Variants in NCL observed in about 807,000 individuals in gnomAD.
The protein encoded by NCL is nucleolin multifunctional protein.
Under a neutral mutation model 77.7 loss-of-function variants are expected in NCL, and 4 were observed. The observed-to-expected ratio is 0.05, with a 90% confidence interval of 0.03 to 0.12. NCL has a LOEUF of 0.12. Ranked by LOEUF, NCL falls within the 10% of genes least tolerant of loss-of-function variation. NCL has a pLI of 1.00. For synonymous variants in NCL, 344 were observed against 297.8 expected, an observed-to-expected ratio of 1.16 and a Z score of -1.60; for missense variants, 763 against 860.9, an observed-to-expected ratio of 0.89 and a Z score of 1.42.
intron 6 of NCL, 93 bp downstream of exon 6, chr2:231,460,059 G>GT: frequency 7.4e-7 from 1 of 1,348,332 alleles, no homozygotes; most frequent in Non-Finnish European, 1.0e-6. Flanking sequence ...CAGTATTCAT[G>GT]TTTAACAGTA....
chr2:231,454,660 A>T lies in NCL; in HGVS notation c.*531T>A, dbSNP rs957391584. ...TGGAAACACGCACTAAGCCATTTCC[A>T]TTGGGATGGGTGAAGCAAGTGGCAG... On this transcript the variant is annotated 3_prime_UTR_variant, in exon 14 of 14. Coordinates refer to ENST00000322723, the MANE Select transcript of NCL (RefSeq NM_005381.3). 1 of 154,752 alleles carries T rather than the reference A, an allele frequency of 6.5e-6. No homozygotes were observed. Among genetic ancestry groups the T allele is most frequent in the African/African-American group, 2.4e-5 (1 of 41,576 alleles). The allele number at this position is 154,752 out of a possible 1,614,324, so 9.6% of individuals were successfully genotyped here.
chr2:231,463,422 T>A, intron 1 of NCL, 106 bp from the exon 2 acceptor site: 1 of 788,576 alleles, frequency 1.3e-6, no homozygotes, highest in Non-Finnish European at 2.2e-6. Flanking sequence ...TCAGATCCAT[T>A]TCTCATAGTG....
At chr2:231,458,068 G>C (rs6754426) in intron 8 of NCL, among the ~76,000 whole-genome samples, 198 bp downstream of exon 8, 1 of 151,914 alleles carries the variant, frequency 6.6e-6, no homozygotes, top group Non-Finnish European at 1.5e-5. Flanking sequence ...TTGCTTCTTT[G>C]TAAGTATTAG....
Position 231,460,735 on chromosome 2 carries a change from C to G in NCL, c.745G>C (p.Asp249His). The G allele has an allele frequency of 6.2e-7, 1 of 1,612,896 alleles. No individual in the cohort carries two copies. The highest frequency in any genetic ancestry group is 8.5e-7 in the Non-Finnish European group (1 of 1,178,870). ...EEDDEDEDDD[D>H]DEDDEDDDDE... ...TCATCATCTTCATCATCTTCGTCGT[C>G]GTCGTCATCCTCGTCCTCATCATCC... The change falls in exon 4 of 14, where the codon GAC becomes CAC. Residue 249 changes from aspartate (D) to histidine (H), a missense_variant. Around this residue, in one of 2 missense-constraint regions of NCL, gnomAD observed 590 missense variants for 570.5 expected, o/e 1.03. Coordinates refer to ENST00000322723, the MANE Select transcript of NCL (RefSeq NM_005381.3).
chr2:231,463,065 C>T, intron 2 of NCL, 135 bp downstream of exon 2: 1 of 673,524 alleles, frequency 1.5e-6, no homozygotes, highest in Non-Finnish European at 2.6e-6. Context: ...CAATGAAGAG[C>T]TTGTGAAACA....
rs2046869611 is a variant in NCL at position 231,454,939 on chromosome 2, A to G, written c.*252T>C. On this transcript the variant is annotated 3_prime_UTR_variant, in exon 14 of 14. Transcript: ENST00000322723. ...AAAAATGGTTTTGTACATGGGATGA[A>G]ACAATATAAATTCAAAACTTACAGA... 2.5e-6 allele frequency: 1 copy of G among 401,130 alleles called. No individual in the cohort carries two copies. The highest frequency in any genetic ancestry group is 2.0e-5 in the African/African-American group (1 of 50,408). 24.8% of individuals were successfully genotyped at this position (401,130 alleles called of 1,614,324 possible). A position where few individuals can be genotyped will look rare whatever the true frequency, so the allele number is the denominator to read the frequency against.
At chr2:231,456,503 G>T in intron 11 of NCL, 128 bp downstream of exon 11, 1 of 1,387,112 alleles carries the variant, frequency 7.2e-7, no homozygotes, top group Non-Finnish European at 1.0e-6. Flanking sequence ...TTATTTCTCA[G>T]GTAATCAGTC....
At chr2:231,456,871 T>C (rs2046894057) in intron 10 of NCL, 107 bp from the exon 11 acceptor site, 3 of 1,556,956 alleles carry the variant, frequency 1.9e-6, no homozygotes, top group East Asian at 2.2e-5. Flanking sequence ...TAAATGATGA[T>C]CTTTATTTTA....
At chr2:231,456,469 G>A in intron 11 of NCL, 162 bp downstream of exon 11, 1 of 1,276,534 alleles carries the variant, frequency 7.8e-7, no homozygotes, top group Non-Finnish European at 1.1e-6. Context: ...ACTATCTAGA[G>A]GAATTTTCTT....
chr2:231,463,148 C>G, intron 2 of NCL, 52 bp downstream of exon 2: 1 of 1,320,166 alleles, frequency 7.6e-7, no homozygotes, highest in Non-Finnish European at 1.1e-6. Flanking sequence ...CATGTCTTAA[C>G]TCTCCATTTT....
Position 231,457,738 on chromosome 2 carries a change from C to G in NCL, c.1352G>C (p.Gly451Ala), listed in dbSNP as rs2046905230. Residue 451 changes from glycine to alanine, a missense_variant, in exon 9 of 14, where the codon GGA becomes GCA. This residue lies in a region of NCL where 590 missense variants were observed against 570.5 expected (regional missense o/e 1.03). Coordinates refer to ENST00000322723, the MANE Select transcript of NCL (RefSeq NM_005381.3). Reference sequence around the variant, plus strand: ...AATAGATCGCCCATCGATCTCTGTTCCCTGCTTTTCTTCAAAGGTTTTCTC... The same window carrying G: ...AATAGATCGCCCATCGATCTCTGTTGCCTGCTTTTCTTCAAAGGTTTTCTC... ...DAEKTFEEKQ[G>A]TEIDGRSISL... 1 of 1,612,920 alleles carries G rather than the reference C, an allele frequency of 6.2e-7. No individual in the cohort carries two copies.
chr2:231,460,887 A>G (rs2046942997), intron 3 of NCL, 21 bp from the exon 4 acceptor site: 1 of 1,590,948 alleles, frequency 6.3e-7, no homozygotes, highest in Non-Finnish European at 8.6e-7. Flanking sequence ...AGTCACCTAA[A>G]AATTGCAGCA....
At chr2:231,456,801 A>T in intron 10 of NCL, 37 bp from the exon 11 acceptor site, 1 of 1,611,498 alleles carries the variant, frequency 6.2e-7, no homozygotes, top group Non-Finnish European at 8.5e-7. Flanking sequence ...GTAAGTTACC[A>T]GGCACATGCT....
rs756182754 is a variant in NCL at position 231,460,831 on chromosome 2, T to C, written c.649A>G (p.Lys217Glu). 1 of 1,614,214 alleles carries C rather than the reference T, an allele frequency of 6.2e-7. No homozygotes were observed. Among genetic ancestry groups the C allele is most frequent in the Non-Finnish European group, 8.5e-7 (1 of 1,180,032 alleles). ...ACAACTTTTGCAGCTTTCTTTCCTT[T>C]GGCTGGTGTAGTCTCCATAGCTTCT... ...EEEAMETTPA[K>E]GKKAAKVVPV... The change falls in exon 4 of 14, where the codon AAA becomes GAA. Residue 217 changes from lysine (K) to glutamate (E), a missense_variant. Physicochemically the swap from Lys to Glu is moderately conservative, Grantham distance 56. Around this residue, in one of 2 missense-constraint regions of NCL, gnomAD observed 590 missense variants for 570.5 expected, o/e 1.03. Transcript: ENST00000322723.
intron 9 of NCL, 80 bp downstream of exon 9, chr2:231,457,559 GTATT>G: frequency 7.5e-7 from 1 of 1,329,258 alleles, no homozygotes; most frequent in Non-Finnish European, 1.0e-6. Context: ...TGATTAAAAA[GTATT>G]TATAAACTTA....
rs1183022982 is a variant in NCL, at chr2:231,454,858, AAAC to A, written c.*330_*332del. 17 of 196,046 alleles carry A rather than the reference AAAC, an allele frequency of 8.7e-5. No individual in the cohort carries two copies. The highest frequency in any genetic ancestry group is 2.5e-4 in the East Asian group (2 of 8,110). The allele number at this position is 196,046 out of a possible 1,614,324, so 12.1% of individuals were successfully genotyped here. ...AACCCCACGAACGCAAAAAAAAAAA[AAAC>A]AAAAACAAAACAAAAAAAAGAAACA... On this transcript the variant is annotated 3_prime_UTR_variant, in exon 14 of 14. Transcript: ENST00000322723.
chr2:231,455,109 A>G lies in NCL; in HGVS notation c.*82T>C. On this transcript the variant is annotated 3_prime_UTR_variant, in exon 14 of 14. Coordinates refer to ENST00000322723, the MANE Select transcript of NCL (RefSeq NM_005381.3). Reference sequence around the variant, plus strand: ...TATACTGTCTTGGAATGTCCTCAGAAGGCTCTGTCATTGATCAGGTAACAG... The same window carrying G: ...TATACTGTCTTGGAATGTCCTCAGAGGGCTCTGTCATTGATCAGGTAACAG... The G allele has an allele frequency of 6.8e-7, 1 of 1,469,186 alleles. No homozygotes were observed. Among genetic ancestry groups the G allele is most frequent in the Non-Finnish European group, 9.5e-7 (1 of 1,052,002 alleles). The allele number at this position is 1,469,186 out of a possible 1,614,324, so 91.0% of individuals were successfully genotyped here.
Position 231,462,606 on chromosome 2 carries a change from T to C in NCL, c.136-589A>G, listed in dbSNP as rs760492470. ...AAAATCCCGTAGTTTTATCAGGCAA[T>C]GTGTGGAAGAGTAAAACTTTCATTC... On this transcript the variant is annotated intron_variant, in intron 2 of 13. Coordinates refer to ENST00000322723, the MANE Select transcript of NCL (RefSeq NM_005381.3). 1.2e-5 allele frequency: 6 copies of C among 506,348 alleles called. No homozygotes were observed. The East Asian group carries it at 2.2e-4, about 19-fold the overall frequency. 31.4% of individuals were successfully genotyped at this position (506,348 alleles called of 1,614,324 possible). A position where few individuals can be genotyped will look rare whatever the true frequency, so the allele number is the denominator to read the frequency against.
At chr2:231,463,592 T>G (rs1437283266) in intron 1 of NCL, 10 of 434,372 alleles carry the variant, frequency 2.3e-5, no homozygotes, top group South Asian at 5.5e-5. Flanking sequence ...TTACCTTAGT[T>G]AAGCACAACC....
Sources: allele counts gnomAD v4.1 joint callset (sites outside exome capture counted in the v4.1 genomes callset), GRCh38; gene constraint gnomAD v4.1.1; regional missense constraint gnomAD v4.1.1; transcripts MANE v1.5; gene names NCBI Gene and HGNC (gene_info 2026-07-23, HGNC 2026-07-21).